The following KCNK2 variants were observed in gnomAD, a reference collection of about 807,000 sequenced individuals.
KCNK2 encodes the protein potassium two pore domain channel subfamily K member 2, also known as potassium channel subfamily K member 2.
A neutral mutation model predicts 40.5 loss-of-function variants in KCNK2; 21 were observed. That is an observed-to-expected ratio of 0.52 (90% CI 0.37 to 0.75). KCNK2 has a LOEUF of 0.75. KCNK2 is among the 30% of genes least tolerant of loss of function. The pLI is 0.00. For missense variants in KCNK2, 399 were observed against 531.6 expected (o/e 0.75, Z 2.45); for synonymous variants, 191 against 202.2 (o/e 0.94, Z 0.47).
intron 3 of KCNK2, among the ~76,000 whole-genome samples, chr1:215,139,712 G>A (rs1662086815): frequency 6.6e-6 from 1 of 151,986 alleles, no homozygotes; most frequent in Non-Finnish European, 1.5e-5. Context: ...GAACCCAGGA[G>A]GTGGAGGTTC....
At chr1:215,232,517 C>G (rs1404575968) in intron 6 of KCNK2, among the ~76,000 whole-genome samples, 1 of 152,004 alleles carries the variant, frequency 6.6e-6, no homozygotes, top group Non-Finnish European at 1.5e-5. Flanking sequence ...ATGTGTATTT[C>G]CAGTGATAAA....
At chr1:215,189,115 C>T (rs1260494585) in intron 5 of KCNK2, among the ~76,000 whole-genome samples, 5 of 152,062 alleles carry the variant, frequency 3.3e-5, no homozygotes, top group Admixed American at 2.6e-4. Context: ...ACTTGTGACT[C>T]TCGGAGAACT....
At chr1:215,030,773 C>G (rs550238970) in intron 1 of KCNK2, among the ~76,000 whole-genome samples, 1 of 151,216 alleles carries the variant, frequency 6.6e-6, no homozygotes, top group African/African-American at 2.4e-5. Flanking sequence ...TCTCAAACTC[C>G]TGGGCTCAAG....
At chr1:215,216,226 C>CT (rs940961411) in intron 6 of KCNK2, among the ~76,000 whole-genome samples, 16 of 150,794 alleles carry the variant, frequency 1.1e-4, no homozygotes, top group Non-Finnish European at 1.8e-4. Flanking sequence ...GATTTCTGAA[C>CT]TTTTTTTTTA....
At chr1:215,126,147 G>A (rs1661427244) in intron 3 of KCNK2, among the ~76,000 whole-genome samples, 2 of 152,088 alleles carry the variant, frequency 1.3e-5, no homozygotes, top group Non-Finnish European at 2.9e-5. Context: ...AGAGAACATG[G>A]AAAATTTACG....
At chr1:215,173,958 G>T (rs1437411083) in intron 5 of KCNK2, among the ~76,000 whole-genome samples, 1 of 152,176 alleles carries the variant, frequency 6.6e-6, no homozygotes, top group Non-Finnish European at 1.5e-5. Flanking sequence ...TTGCTGTGCA[G>T]AAGCTCTTGA....
At chr1:215,199,899 A>G (rs535543368) in intron 6 of KCNK2, among the ~76,000 whole-genome samples, 1 of 152,164 alleles carries the variant, frequency 6.6e-6, no homozygotes, top group South Asian at 2.1e-4. Context: ...ACATTTCTTG[A>G]GCTTGAAAGG....
intron 2 of KCNK2, among the ~76,000 whole-genome samples, chr1:215,093,388 A>G (rs1659779207): frequency 7.3e-6 from 1 of 137,390 alleles, no homozygotes; most frequent in African/African-American, 2.7e-5. Flanking sequence ...TATACATATA[A>G]TATACCTATA....
chr1:215,143,276 G>T (rs2102603378), intron 3 of KCNK2, among the ~76,000 whole-genome samples: 1 of 152,242 alleles, frequency 6.6e-6, no homozygotes, highest in East Asian at 1.9e-4. Flanking sequence ...CCAAGGGAAG[G>T]CTGCCTGTTT....
intron 1 of KCNK2, among the ~76,000 whole-genome samples, chr1:215,047,561 C>T (rs1657819487): frequency 6.6e-6 from 1 of 151,934 alleles, no homozygotes; most frequent in South Asian, 2.1e-4. Context: ...GATTAAGATT[C>T]TATGATGATA....
chr1:215,191,327 T>G (rs1664657066), intron 5 of KCNK2, among the ~76,000 whole-genome samples: 2 of 151,632 alleles, frequency 1.3e-5, no homozygotes, highest in Admixed American at 1.3e-4. Context: ...TGCCACGGCC[T>G]CATGGGTTGT....
intron 6 of KCNK2, among the ~76,000 whole-genome samples, chr1:215,197,427 G>A (rs1043409050): frequency 6.6e-6 from 1 of 152,076 alleles, no homozygotes; most frequent in African/African-American, 2.4e-5. Context: ...TCTTCATATG[G>A]CCTTTTCTCT....
chr1:215,007,033 A>ATGTGTG (rs1408452470), intron 1 of KCNK2, among the ~76,000 whole-genome samples: 6 of 60,322 alleles, frequency 9.9e-5, no homozygotes, highest in African/African-American at 3.3e-4. Context: ...ATATATATAT[A>ATGTGTG]TATATGTGTG....
chr1:215,056,946 TA>T lies in KCNK2; in HGVS notation c.35-29421del, dbSNP rs1204697566. On this transcript the variant is annotated intron_variant, in intron 1 of 6. Coordinates refer to the KCNK2 transcript ENST00000391895. ...AAACTAAACTGCTTTATAGGTAGAA[TA>T]GGAATAATATGAGTATTTATCTAAA... Among the ~76,000 whole-genome samples the T allele has an allele frequency of 4.6e-5, 7 of 152,360 alleles. No individual in the cohort carries two copies. The South Asian group carries it at 1.4e-3, about 32-fold the overall frequency.
intron 1 of KCNK2, among the ~76,000 whole-genome samples, chr1:215,045,673 A>T (rs1380111728): frequency 6.6e-6 from 1 of 152,150 alleles, no homozygotes; most frequent in African/African-American, 2.4e-5. Flanking sequence ...AATTTGTGTA[A>T]AATGTGGTCT....
chr1:215,040,677 G>A (rs1657531658), intron 1 of KCNK2, among the ~76,000 whole-genome samples: 1 of 152,138 alleles, frequency 6.6e-6, no homozygotes, highest in Admixed American at 6.6e-5. Flanking sequence ...TGCTTTGTGG[G>A]TTTAGATACA....
chr1:215,218,614 C>T (rs1666047277), intron 6 of KCNK2, among the ~76,000 whole-genome samples: 1 of 152,154 alleles, frequency 6.6e-6, no homozygotes, highest in Non-Finnish European at 1.5e-5. Flanking sequence ...CTCTATACCA[C>T]CACTTTGATG....
intron 1 of KCNK2, among the ~76,000 whole-genome samples, chr1:215,059,114 C>CAT (rs1293489752): frequency 2.7e-5 from 4 of 146,104 alleles, no homozygotes; most frequent in African/African-American, 5.0e-5. Context: ...CACACACATA[C>CAT]ATATATATAT....
chr1:215,083,194 T>TGC lies in KCNK2; in HGVS notation c.-192_-191insGC. Reference sequence around the variant, plus strand: ...CCCGCGATTTCGTTTCTTCTCACGCTCCCCCCCCCGCCCCCTCCCGCGTCC... The same window carrying TGC: ...CCCGCGATTTCGTTTCTTCTCACGCTGCCCCCCCCCCGCCCCCTCCCGCGTCC... On this transcript the variant is annotated 5_prime_UTR_variant, in exon 1 of 7. Coordinates refer to ENST00000444842, the MANE Select transcript of KCNK2 (RefSeq NM_001017425.3). The TGC allele has an allele frequency of 1.7e-4, 83 of 501,808 alleles. No individual in the cohort carries two copies. Among genetic ancestry groups the TGC allele is most frequent in the Middle Eastern group, 7.1e-4 (1 of 1,410 alleles). The allele number at this position is 501,808 out of a possible 1,614,324, so 31.1% of individuals were successfully genotyped here.
Sources: gnomAD v4.1 joint callset for allele counts (sites outside exome capture counted in the v4.1 genomes callset) on GRCh38, gnomAD v4.1.1 for gene constraint, MANE v1.5 for transcripts, NCBI Gene and HGNC (gene_info 2026-07-23, HGNC 2026-07-21) for gene names.